Variants in PIP5K1A observed in about 807,000 individuals in gnomAD.
PIP5K1A encodes phosphatidylinositol-4-phosphate 5-kinase type 1 alpha.
In PIP5K1A, 46 loss-of-function variants were observed where a neutral mutation model predicts 72.9. That is an observed-to-expected ratio of 0.63 (90% CI 0.50 to 0.81). PIP5K1A has a LOEUF of 0.81. PIP5K1A is among the 30% of genes least tolerant of loss of function. The pLI is 0.00. For missense variants in PIP5K1A, 458 were observed against 706.1 expected (o/e 0.65, Z 3.98); for synonymous variants, 228 against 255.1 (o/e 0.89, Z 1.01).
rs11431839 is a variant in PIP5K1A, at chr1:151,233,099, CAAAAA to C, written c.639+411_639+415del. ...TGGGTAACAGAGCAAGACTCCGTCT[CAAAAA>C]AAAAAAAAAAAAAATGTTGTTCAGT... On this transcript the variant is annotated intron_variant, in intron 7 of 15. Transcript: ENST00000368888. Among the ~76,000 whole-genome samples, 3 of 107,534 alleles carry C rather than the reference CAAAAA, an allele frequency of 2.8e-5. 1 individual carries two copies. Among genetic ancestry groups the C allele is most frequent in the Non-Finnish European group, 5.4e-5 (3 of 55,266 alleles). 70.5% of individuals were successfully genotyped at this position (107,534 alleles called of 152,430 possible). A position where few individuals can be genotyped will look rare whatever the true frequency, so the allele number is the denominator to read the frequency against.
intron 12 of PIP5K1A, 55 bp downstream of exon 12, chr1:151,240,094 C>A: frequency 7.8e-7 from 1 of 1,281,834 alleles, no homozygotes; most frequent in Non-Finnish European, 1.1e-6. Context: ...TCCCTTACCC[C>A]AAGAGAACAG....
chr1:151,199,988 C>T (rs1684992045), intron 1 of PIP5K1A, among the ~76,000 whole-genome samples: 1 of 152,026 alleles, frequency 6.6e-6, no homozygotes. Flanking sequence ...CTTTCTCAGA[C>T]TAATTCCTTT....
intron 1 of PIP5K1A, among the ~76,000 whole-genome samples, chr1:151,215,454 C>T (rs1687459069): frequency 6.6e-6 from 1 of 152,068 alleles, no homozygotes; most frequent in Admixed American, 6.6e-5. Context: ...CCTCAGCCTC[C>T]TGAGAAGCTG....
rs587708739 is a variant in PIP5K1A, at chr1:151,244,641, G to A, written c.1640+2074G>A. Reference sequence around the variant, plus strand: ...ACTGGACTCTAGCCTGGGTGACAGAGCGAGACCCTGTCTCAAAAGAAAAAT... The same window carrying A: ...ACTGGACTCTAGCCTGGGTGACAGAACGAGACCCTGTCTCAAAAGAAAAAT... On this transcript the variant is annotated intron_variant, in intron 14 of 15. Coordinates refer to ENST00000368888, the MANE Select transcript of PIP5K1A (RefSeq NM_001135638.2). 1.1e-4 allele frequency among the ~76,000 whole-genome samples: 16 copies of A among 152,292 alleles called. No individual in the cohort carries two copies. In the South Asian group the frequency reaches 1.7e-3, roughly 16 times the overall value.
chr1:151,231,495 T>C (rs1412642841), intron 4 of PIP5K1A, among the ~76,000 whole-genome samples, 176 bp from the exon 5 acceptor site: 2 of 152,192 alleles, frequency 1.3e-5, no homozygotes, highest in African/African-American at 4.8e-5. Flanking sequence ...CTAAGCTTAA[T>C]TGCAGAGTAC....
chr1:151,244,167 C>A (rs1363100248), intron 14 of PIP5K1A, among the ~76,000 whole-genome samples: 24 of 119,712 alleles, frequency 2.0e-4, no homozygotes, highest in Admixed American at 4.5e-4. Context: ...AAGAAAGAAA[C>A]GAAAAAATAC....
At chr1:151,221,065 A>C (rs1354499599) in intron 1 of PIP5K1A, among the ~76,000 whole-genome samples, 1 of 152,176 alleles carries the variant, frequency 6.6e-6, no homozygotes, top group Non-Finnish European at 1.5e-5. Flanking sequence ...ATCAACACCC[A>C]AACAGGTTTC....
chr1:151,226,950 C>T (rs1036919338), intron 3 of PIP5K1A, among the ~76,000 whole-genome samples: 4 of 152,082 alleles, frequency 2.6e-5, no homozygotes, highest in African/African-American at 7.2e-5. Context: ...TTGCTTGAAC[C>T]GAGGAGGTGG....
At chr1:151,222,868 A>G (rs1266278818) in intron 1 of PIP5K1A, among the ~76,000 whole-genome samples, 1 of 152,176 alleles carries the variant, frequency 6.6e-6, no homozygotes, top group Non-Finnish European at 1.5e-5. Flanking sequence ...AATTTCATGA[A>G]GGTCTAGGTA....
At chr1:151,201,509 C>T (rs1187504036) in intron 1 of PIP5K1A, among the ~76,000 whole-genome samples, 1 of 151,998 alleles carries the variant, frequency 6.6e-6, no homozygotes, top group Non-Finnish European at 1.5e-5. Flanking sequence ...GCCATCATGC[C>T]TGGCTATTTT....
chr1:151,208,544 A>G (rs915923308), intron 1 of PIP5K1A, among the ~76,000 whole-genome samples: 2 of 150,440 alleles, frequency 1.3e-5, no homozygotes, highest in African/African-American at 4.9e-5. Flanking sequence ...TATTTTTAGT[A>G]GAGACGGGGT....
In PIP5K1A at chr1:151,245,334, T is replaced by G. The variant is rs587615161; in HGVS notation, c.1641-1586T>G. On this transcript the variant is annotated intron_variant, in intron 14 of 15. Transcript: ENST00000368888. The stretch of plus-strand genomic sequence containing the variant: ...TTACTAGGATCTCCTTTCCTTCAAG[T>G]TCCAATAAAATTTTTCTCACTTTAA... 3.9e-4 allele frequency among the ~76,000 whole-genome samples: 60 copies of G among 152,266 alleles called. No individual in the cohort carries two copies. In the South Asian group the frequency reaches 6.8e-3, roughly 17 times the overall value.
At chr1:151,219,851 C>CTT (rs71237867) in intron 1 of PIP5K1A, among the ~76,000 whole-genome samples, 2,413 of 98,636 alleles carry the variant, frequency 0.024, 109 homozygotes, top group Middle Eastern at 0.032. Flanking sequence ...ATATTCTTTC[C>CTT]TTTTTTTTTT....
chr1:151,199,202 G>A (rs1217274379), intron 1 of PIP5K1A, 121 bp downstream of exon 1: 2 of 1,555,632 alleles, frequency 1.3e-6, no homozygotes, highest in African/African-American at 1.4e-5. Context: ...GTGGGCGCGA[G>A]CTGGGCTTTC....
intron 1 of PIP5K1A, chr1:151,215,949 T>C: frequency 1.5e-6 from 2 of 1,300,222 alleles, no homozygotes; most frequent in South Asian, 2.5e-5. Flanking sequence ...AACTTTCTGT[T>C]TTTCCTCATT....
intron 1 of PIP5K1A, among the ~76,000 whole-genome samples, chr1:151,218,013 T>C (rs1234518090): frequency 1.3e-5 from 2 of 152,116 alleles, no homozygotes; most frequent in African/African-American, 4.8e-5. Flanking sequence ...TGGCCTCAGG[T>C]GATCCACTGC....
intron 1 of PIP5K1A, among the ~76,000 whole-genome samples, chr1:151,219,868 T>TA (rs1260059647): frequency 1.7e-4 from 26 of 149,200 alleles, no homozygotes; most frequent in African/African-American, 6.4e-4. Flanking sequence ...TTTTTTTTTT[T>TA]TTTGCCGAGA....
chr1:151,236,885 T>C, intron 9 of PIP5K1A, 122 bp downstream of exon 9: 1 of 678,166 alleles, frequency 1.5e-6, no homozygotes, highest in Non-Finnish European at 2.4e-6. Context: ...TGATGTGCAA[T>C]GGCACGATCT....
intron 7 of PIP5K1A, chr1:151,233,507 T>C (rs1432303523): frequency 6.6e-6 from 1 of 152,248 alleles, no homozygotes; most frequent in African/African-American, 2.4e-5. Flanking sequence ...TTTCACCATG[T>C]TGGTCAGGCT....
Sources: gnomAD v4.1 joint callset for allele counts (sites outside exome capture counted in the v4.1 genomes callset) on GRCh38, gnomAD v4.1.1 for gene constraint, MANE v1.5 for transcripts, NCBI Gene and HGNC (gene_info 2026-07-23, HGNC 2026-07-21) for gene names.